Variants in SNX29 observed in about 807,000 individuals in gnomAD.
SNX29 encodes the protein sorting nexin 29.
SNX29 carries 78 observed loss-of-function variants against 102.1 expected under a neutral mutation model. The ratio of observed to expected loss-of-function variants is 0.76; its 90% confidence interval spans 0.64 to 0.92. The LOEUF (loss-of-function observed/expected upper bound fraction) is 0.92, where lower values mean the gene tolerates loss of function less well. Among genes scored for constraint, SNX29 ranks in the 40% least tolerant of loss-of-function variants. The pLI is 0.00. For missense variants in SNX29, 1,280 were observed against 1,061.7 expected (o/e 1.21, Z -2.86); for synonymous variants, 580 against 414.5 (o/e 1.40, Z -4.85).
intron 11 of SNX29, chr16:12,081,690 AAAAAAGAAAAG>A: frequency 1.0e-5 from 1 of 97,368 alleles, no homozygotes; most frequent in South Asian, 3.1e-4. Flanking sequence ...AAAAAAAAAA[AAAAAAGAAAAG>A]AAAAGAAAAG....
intron 11 of SNX29, among the ~76,000 whole-genome samples, chr16:12,104,969 T>C (rs921706501): frequency 5.9e-5 from 9 of 152,118 alleles, no homozygotes; most frequent in African/African-American, 2.2e-4. Context: ...ATTTGAAGAG[T>C]TGGCTCCAAA....
At position 12,561,515 on chromosome 16, in the gene SNX29, A is replaced by G. The variant is rs564278945; in HGVS notation, c.2319-6991A>G. Among the ~76,000 whole-genome samples the G allele has an allele frequency of 7.9e-5, 12 of 152,326 alleles. 1 individual carries two copies. Among genetic ancestry groups the G allele is most frequent in the African/African-American group, 2.6e-4 (11 of 41,574 alleles). On this transcript the variant is annotated intron_variant, in intron 20 of 20. Coordinates refer to ENST00000566228, the MANE Select transcript of SNX29 (RefSeq NM_032167.5). ...CAGACCCAGATCACAGGTGAAACAA[A>G]GTGAAAAGTTAGTCTCTCCTCGCAG...
rs2079135842 is a variant in SNX29, at chr16:12,569,329, G to A, written c.*700G>A. Reference sequence around the variant, plus strand: ...TCAGGAAGGACCAGTGCCCTCCATAGCCTGAGGCCACCTAGGCCCTCGCCA... The same window carrying A: ...TCAGGAAGGACCAGTGCCCTCCATAACCTGAGGCCACCTAGGCCCTCGCCA... On this transcript the variant is annotated 3_prime_UTR_variant, in exon 21 of 21. Coordinates refer to ENST00000566228, the MANE Select transcript of SNX29 (RefSeq NM_032167.5). The A allele has an allele frequency of 3.5e-5, 8 of 229,804 alleles. No individual in the cohort carries two copies. The highest frequency in any genetic ancestry group is 3.4e-4 in the Admixed American group (6 of 17,632). The allele number at this position is 229,804 out of a possible 1,614,324, so 14.2% of individuals were successfully genotyped here.
At chr16:12,402,971 CTCAGGG>C (rs1191904479) in intron 17 of SNX29, among the ~76,000 whole-genome samples, 1 of 152,128 alleles carries the variant, frequency 6.6e-6, no homozygotes, top group African/African-American at 2.4e-5. Context: ...TTAAAATGGG[CTCAGGG>C]TCAGGGTCTA....
At chr16:12,083,601 C>T (rs2052019658) in intron 11 of SNX29, among the ~76,000 whole-genome samples, 1 of 152,160 alleles carries the variant, frequency 6.6e-6, no homozygotes, top group South Asian at 2.1e-4. Flanking sequence ...GGAGTTAGGT[C>T]TTCCACTGGT....
At chr16:12,224,553 A>G (rs1300803016) in intron 14 of SNX29, among the ~76,000 whole-genome samples, 2 of 152,152 alleles carry the variant, frequency 1.3e-5, no homozygotes, top group Non-Finnish European at 2.9e-5. Context: ...GTTCTTGGAG[A>G]AAGTGACATT....
chr16:12,491,884 A>G (rs1160977669), intron 19 of SNX29, among the ~76,000 whole-genome samples: 1 of 152,202 alleles, frequency 6.6e-6, no homozygotes, highest in Non-Finnish European at 1.5e-5. Context: ...GCTGCATAGT[A>G]TTCCGTGGTG....
chr16:11,992,982 C>T (rs751592309), intron 1 of SNX29, among the ~76,000 whole-genome samples: 10 of 151,598 alleles, frequency 6.6e-5, no homozygotes, highest in Non-Finnish European at 1.0e-4. Context: ...ACCAACATGG[C>T]GAAACCCCAT....
intron 14 of SNX29, among the ~76,000 whole-genome samples, chr16:12,212,194 C>T (rs1256802365): frequency 1.3e-5 from 2 of 152,166 alleles, no homozygotes; most frequent in African/African-American, 4.8e-5. Context: ...GTACTTTGTC[C>T]TGAGAAAAAA....
chr16:12,109,680 G>A (rs1459997143), intron 11 of SNX29, among the ~76,000 whole-genome samples: 1 of 152,102 alleles, frequency 6.6e-6, no homozygotes, highest in Non-Finnish European at 1.5e-5. Flanking sequence ...TGCAGACTCT[G>A]GAAAGCTCCT....
rs192129828 is a variant in SNX29 at position 12,181,014 on chromosome 16, A to C, written c.1596-18587A>C. Among the ~76,000 whole-genome samples the C allele has an allele frequency of 2.0e-5, 3 of 151,782 alleles. No homozygotes were observed. In the East Asian group the frequency reaches 5.8e-4, roughly 29 times the overall value. On this transcript the variant is annotated intron_variant, in intron 13 of 20. Transcript: ENST00000566228. ...TTCTGCTTCTGTAGCTTTTTCCCTC[A>C]CTGCAGGGCCCAGTCCTGGAAGGGA... is the stretch of plus-strand genomic sequence containing the variant.
chr16:12,563,880 C>G (rs1038966865), intron 20 of SNX29, among the ~76,000 whole-genome samples: 1 of 152,232 alleles, frequency 6.6e-6, no homozygotes. Context: ...TCTCTAGCCC[C>G]TTGGGCCTCT....
intron 16 of SNX29, among the ~76,000 whole-genome samples, chr16:12,384,579 T>G (rs1211228035): frequency 6.6e-6 from 1 of 152,224 alleles, no homozygotes; most frequent in Non-Finnish European, 1.5e-5. Context: ...ATTTTTTTCT[T>G]GTTGAGTTGT....
chr16:12,056,805 CT>C (rs920953558), intron 8 of SNX29, among the ~76,000 whole-genome samples: 8 of 151,860 alleles, frequency 5.3e-5, no homozygotes, highest in South Asian at 4.2e-4. Flanking sequence ...TTCTTTTGTT[CT>C]TTTTTTGTTT....
At chr16:12,558,309 C>T (rs750471175) in intron 20 of SNX29, among the ~76,000 whole-genome samples, 6 of 152,056 alleles carry the variant, frequency 3.9e-5, no homozygotes, top group Non-Finnish European at 7.4e-5. Flanking sequence ...GGCCCCTGGT[C>T]ACCTCAAGTG....
chr16:12,251,440 T>C (rs1169322097), intron 14 of SNX29, among the ~76,000 whole-genome samples: 2 of 152,184 alleles, frequency 1.3e-5, no homozygotes, highest in Non-Finnish European at 2.9e-5. Context: ...CAGTGGCTCA[T>C]GCCTGTAATC....
At chr16:12,528,724 C>T (rs1248308335) in intron 20 of SNX29, among the ~76,000 whole-genome samples, 2 of 152,244 alleles carry the variant, frequency 1.3e-5, no homozygotes, top group Non-Finnish European at 2.9e-5. Flanking sequence ...TTCTCCACTG[C>T]TCCCACGGCC....
chr16:12,547,975 C>T (rs1229746943), intron 20 of SNX29, among the ~76,000 whole-genome samples: 3 of 152,184 alleles, frequency 2.0e-5, no homozygotes, highest in Non-Finnish European at 2.9e-5. Flanking sequence ...TGGGAGACAG[C>T]ATGGCACAGG....
At position 11,985,537 on chromosome 16, in the gene SNX29, T is replaced by G. The variant is rs372628453; in HGVS notation, c.7+8724T>G. Among the ~76,000 whole-genome samples the G allele has an allele frequency of 1.8e-4, 27 of 152,348 alleles. No homozygotes were observed. The East Asian group carries it at 5.0e-3, about 28-fold the overall frequency. On this transcript the variant is annotated intron_variant, in intron 1 of 20. Coordinates refer to ENST00000566228, the MANE Select transcript of SNX29 (RefSeq NM_032167.5). ...TGGCTGTCAACTCGTCTTTTCTCTCTGTTGGCTTCACCCACAGGCAGCCGC... is the reference window on the plus strand; with the variant it reads ...TGGCTGTCAACTCGTCTTTTCTCTCGGTTGGCTTCACCCACAGGCAGCCGC...
Sources: allele counts gnomAD v4.1 joint callset (sites outside exome capture counted in the v4.1 genomes callset), GRCh38; gene constraint gnomAD v4.1.1; transcripts MANE v1.5; gene names NCBI Gene and HGNC (gene_info 2026-07-23, HGNC 2026-07-21).